Variants in LANCL2 observed in about 807,000 individuals in gnomAD.
The protein encoded by LANCL2 is LanC like glutathione S-transferase 2, also known as lanC-like protein 2.
Under a neutral mutation model 56.9 loss-of-function variants are expected in LANCL2, and 33 were observed. That is an observed-to-expected ratio of 0.58 (90% CI 0.44 to 0.78). The LOEUF (loss-of-function observed/expected upper bound fraction) is 0.78. Among genes scored for constraint, LANCL2 ranks in the 30% least tolerant of loss-of-function variants. LANCL2 has a pLI of 0.00. For synonymous variants in LANCL2, 233 were observed against 228.2 expected (o/e 1.02, Z -0.19); for missense variants, 562 against 580.2 (o/e 0.97, Z 0.32).
At chr7:55,428,698 G>A (rs1279075399) in intron 8 of LANCL2, among the ~76,000 whole-genome samples, 2 of 152,116 alleles carry the variant, frequency 1.3e-5, no homozygotes, top group Non-Finnish European at 2.9e-5. Flanking sequence ...GAACGTAGAA[G>A]GCTTGCTGTT....
intron 6 of LANCL2, among the ~76,000 whole-genome samples, chr7:55,420,741 A>C (rs1218864990): frequency 6.6e-6 from 1 of 152,234 alleles, no homozygotes; most frequent in Non-Finnish European, 1.5e-5. Flanking sequence ...ACTCCAGGGA[A>C]CTTCGTTTAC....
At chr7:55,372,884 A>G (rs1789960158) in intron 1 of LANCL2, among the ~76,000 whole-genome samples, 1 of 152,240 alleles carries the variant, frequency 6.6e-6, no homozygotes, top group African/African-American at 2.4e-5. Flanking sequence ...AATAGTTTCC[A>G]GATTTCTGAA....
At chr7:55,426,239 C>T (rs1790662779) in intron 7 of LANCL2, among the ~76,000 whole-genome samples, 1 of 152,186 alleles carries the variant, frequency 6.6e-6, no homozygotes, top group South Asian at 2.1e-4. Flanking sequence ...CACTATTCTA[C>T]ACTAGTACTT....
At chr7:55,403,860 G>A (rs182798425) in intron 5 of LANCL2, among the ~76,000 whole-genome samples, 65 of 152,148 alleles carry the variant, frequency 4.3e-4, no homozygotes, top group African/African-American at 1.4e-3. Context: ...ATGAGCCACC[G>A]TGCCTGGCTT....
In LANCL2 at chr7:55,431,268, C is replaced by A. The variant is rs573818801; in HGVS notation, c.1301C>A (p.Pro434Gln). Residue 434 changes from proline (P) to glutamine (Q), a missense_variant, in exon 9 of 9, where the codon CCA (proline) becomes CAA (glutamine). Pro to Gln is a moderately conservative substitution (Grantham distance 76). Coordinates refer to ENST00000254770, the MANE Select transcript of LANCL2 (RefSeq NM_018697.4). ...CACTTTCTCTCTGATGTCCTGGGACCAGAGACATCACGGTTTCCAGCATTT... is the reference window on the plus strand; with the variant it reads ...CACTTTCTCTCTGATGTCCTGGGACAAGAGACATCACGGTTTCCAGCATTT... Reference protein sequence around the residue: ...AIHFLSDVLGPETSRFPAFEL... With the variant: ...AIHFLSDVLGQETSRFPAFEL... 6.2e-7 allele frequency: 1 copy of A among 1,613,872 alleles called. No homozygotes were observed. Among genetic ancestry groups the A allele is most frequent in the Admixed American group, 1.7e-5 (1 of 59,916 alleles).
At chr7:55,418,947 C>T (rs1037646474) in intron 6 of LANCL2, among the ~76,000 whole-genome samples, 1 of 151,982 alleles carries the variant, frequency 6.6e-6, no homozygotes, top group African/African-American at 2.4e-5. Flanking sequence ...GTTGAGTCAA[C>T]CTTGCATTCC....
chr7:55,382,604 A>C (rs1009129376), intron 1 of LANCL2, among the ~76,000 whole-genome samples: 1 of 152,150 alleles, frequency 6.6e-6, no homozygotes, highest in African/African-American at 2.4e-5. Flanking sequence ...GATTGGTCGG[A>C]TCCTAGATGA....
intron 2 of LANCL2, among the ~76,000 whole-genome samples, chr7:55,395,529 G>A (rs1234698443): frequency 6.6e-6 from 1 of 152,034 alleles, no homozygotes; most frequent in African/African-American, 2.4e-5. Flanking sequence ...AGAGAGCACC[G>A]GGGCAGAGTG....
intron 1 of LANCL2, among the ~76,000 whole-genome samples, chr7:55,371,474 C>T (rs1020427714): frequency 6.6e-6 from 1 of 152,150 alleles, no homozygotes; most frequent in East Asian, 1.9e-4. Context: ...TTTTTCCCAG[C>T]TCATATGCTG....
intron 5 of LANCL2, 39 bp downstream of exon 5, chr7:55,401,359 TC>T (rs1790323068): frequency 1.3e-6 from 2 of 1,558,440 alleles, no homozygotes; most frequent in Non-Finnish European, 8.8e-7. Flanking sequence ...GTATATTTGA[TC>T]AAACATGAAA....
chr7:55,424,142 A>T (rs1290949974), intron 6 of LANCL2, among the ~76,000 whole-genome samples: 1 of 152,194 alleles, frequency 6.6e-6, no homozygotes, highest in East Asian at 1.9e-4. Flanking sequence ...CTGGAATGTG[A>T]TGAGTTTAGC....
intron 1 of LANCL2, among the ~76,000 whole-genome samples, chr7:55,376,520 G>A (rs1366743306): frequency 5.9e-5 from 9 of 152,116 alleles, no homozygotes; most frequent in South Asian, 4.1e-4. Context: ...GCCCCCTGAC[G>A]GGCTCACAGT....
rs1790737676 is a variant in LANCL2, at chr7:55,432,186, C to G, written c.*866C>G. 6.6e-6 allele frequency: 1 copy of G among 152,166 alleles called. No individual in the cohort carries two copies. Among genetic ancestry groups the G allele is most frequent in the South Asian group, 2.1e-4 (1 of 4,824 alleles). 9.4% of individuals were successfully genotyped at this position (152,166 alleles called of 1,614,324 possible). A position where few individuals can be genotyped will look rare whatever the true frequency, so the allele number is the denominator to read the frequency against. On this transcript the variant is annotated 3_prime_UTR_variant, in exon 9 of 9. Coordinates refer to ENST00000254770, the MANE Select transcript of LANCL2 (RefSeq NM_018697.4). Reference sequence around the variant, plus strand: ...TTTATCAACATTATAAGTTACTGTTCTAAGAAAAGTAAATACAGTTCCAGA... The same window carrying G: ...TTTATCAACATTATAAGTTACTGTTGTAAGAAAAGTAAATACAGTTCCAGA...
At chr7:55,412,610 G>A (rs184936640) in intron 6 of LANCL2, among the ~76,000 whole-genome samples, 50 of 152,282 alleles carry the variant, frequency 3.3e-4, no homozygotes, top group Non-Finnish European at 5.6e-4. Flanking sequence ...ATTAATTCTC[G>A]TAGGCTTTAA....
At chr7:55,374,889 A>G (rs1789983786) in intron 1 of LANCL2, among the ~76,000 whole-genome samples, 1 of 152,258 alleles carries the variant, frequency 6.6e-6, no homozygotes, top group Non-Finnish European at 1.5e-5. Flanking sequence ...TTTAAAATGT[A>G]GGCAAGTTAT....
In LANCL2 at chr7:55,432,804, C is replaced by G. The variant is rs1790745372; in HGVS notation, c.*1484C>G. 6.6e-6 allele frequency: 1 copy of G among 152,232 alleles called. No individual in the cohort carries two copies. The highest frequency in any genetic ancestry group is 2.4e-5 in the African/African-American group (1 of 41,466). 9.4% of individuals were successfully genotyped at this position (152,232 alleles called of 1,614,324 possible). ...GGAGAGTCTGTTTGCTGCAGACACC[C>G]TTGCTCCTGAGTCATTATTTTCTTT... On this transcript the variant is annotated 3_prime_UTR_variant, in exon 9 of 9. Transcript: ENST00000254770.
In LANCL2 at chr7:55,375,777, G is replaced by C. The variant is rs1789993819; in HGVS notation, c.204+9548G>C. ...TCCTGGAGGCCCTGAGGGTGAATCT[G>C]TTTCCCAGCTCATTGAAGCTGTTGG... is the stretch of plus-strand genomic sequence containing the variant. On this transcript the variant is annotated intron_variant, in intron 1 of 8. Coordinates refer to ENST00000254770, the MANE Select transcript of LANCL2 (RefSeq NM_018697.4). 2.0e-5 allele frequency among the ~76,000 whole-genome samples: 3 copies of C among 152,190 alleles called. No homozygotes were observed. In the South Asian group the frequency reaches 6.2e-4, roughly 31 times the overall value.
intron 5 of LANCL2, among the ~76,000 whole-genome samples, chr7:55,407,625 C>A (rs1314040515): frequency 6.6e-6 from 1 of 152,174 alleles, no homozygotes. Context: ...GTGAGTGGGC[C>A]TTGTCAATCA....
chr7:55,398,481 C>T lies in LANCL2; in HGVS notation c.381C>T (p.Leu127=), dbSNP rs748358599. 1.2e-5 allele frequency: 19 copies of T among 1,614,078 alleles called. No homozygotes were observed. In the African/African-American group the frequency reaches 2.3e-4, roughly 19 times the overall value. ...YRVTCDQTYL[L]RSLDYVKRTL... ...TCACATGTGACCAAACCTACCTGCTCCGATCCCTGGATTACGTAAAAAGAA... is the reference window on the plus strand; with the variant it reads ...TCACATGTGACCAAACCTACCTGCTTCGATCCCTGGATTACGTAAAAAGAA... Residue 127 remains leucine (L), a synonymous_variant, in exon 3 of 9, where the codon CTC becomes CTT. Coordinates refer to ENST00000254770, the MANE Select transcript of LANCL2 (RefSeq NM_018697.4).
Sources: gnomAD v4.1 joint callset for allele counts (sites outside exome capture counted in the v4.1 genomes callset) on GRCh38, gnomAD v4.1.1 for gene constraint, MANE v1.5 for transcripts, NCBI Gene and HGNC (gene_info 2026-07-23, HGNC 2026-07-21) for gene names.